The following DLC1 variants were observed in gnomAD, a reference collection of about 807,000 sequenced individuals.
The protein encoded by DLC1 is rho GTPase-activating protein 7.
In DLC1, 54 loss-of-function variants were observed where a neutral mutation model predicts 140.3. The observed-to-expected ratio is 0.38, with a 90% confidence interval of 0.31 to 0.48. The LOEUF (loss-of-function observed/expected upper bound fraction) is 0.48, where lower values mean the gene tolerates loss of function less well. DLC1 is among the 20% of genes least tolerant of loss of function. DLC1 has a pLI of 0.96. For synonymous variants in DLC1, 986 were observed against 728.1 expected (o/e 1.35, Z -5.70); for missense variants, 2,536 against 1,907.0 (o/e 1.33, Z -6.14).
At chr8:13,217,911 G>C (rs921466291) in intron 5 of DLC1, among the ~76,000 whole-genome samples, 1 of 151,500 alleles carries the variant, frequency 6.6e-6, no homozygotes, top group Admixed American at 6.6e-5. Context: ...TGATTTTCTT[G>C]GGTCAAGGGC....
intron 5 of DLC1, among the ~76,000 whole-genome samples, chr8:13,200,083 C>A (rs1481310432): frequency 6.6e-6 from 1 of 152,084 alleles, no homozygotes; most frequent in East Asian, 1.9e-4. Context: ...CACACTGTTG[C>A]CTGGGCTTGA....
intron 2 of DLC1, among the ~76,000 whole-genome samples, chr8:13,473,495 G>C (rs942424694): frequency 6.6e-6 from 1 of 152,150 alleles, no homozygotes; most frequent in African/African-American, 2.4e-5. Flanking sequence ...AGAGCGGGGT[G>C]CTGCTGTATA....
At chr8:13,147,146 C>T (rs2128974812) in intron 5 of DLC1, among the ~76,000 whole-genome samples, 1 of 152,286 alleles carries the variant, frequency 6.6e-6, no homozygotes, top group East Asian at 1.9e-4. Flanking sequence ...CATTATAGAA[C>T]TGAATCTATC....
At chr8:13,330,150 A>G (rs1458580589) in intron 4 of DLC1, among the ~76,000 whole-genome samples, 1 of 152,074 alleles carries the variant, frequency 6.6e-6, no homozygotes, top group East Asian at 1.9e-4. Context: ...TTTTTTGTAG[A>G]GACAGAATCT....
chr8:13,123,786 C>A (rs1310133653), intron 5 of DLC1, among the ~76,000 whole-genome samples: 2 of 152,166 alleles, frequency 1.3e-5, no homozygotes, highest in Non-Finnish European at 2.9e-5. Flanking sequence ...ATCCCAAGCA[C>A]CTACAACAGC....
intron 4 of DLC1, among the ~76,000 whole-genome samples, chr8:13,336,979 A>C (rs1425375193): frequency 6.6e-6 from 1 of 152,216 alleles, no homozygotes; most frequent in Non-Finnish European, 1.5e-5. Flanking sequence ...TGAAATGAAA[A>C]ATATAAACCA....
At chr8:13,235,657 T>G (rs979022966) in intron 5 of DLC1, among the ~76,000 whole-genome samples, 3 of 152,044 alleles carry the variant, frequency 2.0e-5, no homozygotes, top group African/African-American at 7.2e-5. Context: ...ATAGAGCTTT[T>G]TTTTTAGGTG....
chr8:13,508,605 A>G (rs899623771), intron 1 of DLC1, among the ~76,000 whole-genome samples: 19 of 151,908 alleles, frequency 1.3e-4, no homozygotes, highest in Non-Finnish European at 5.9e-5. Flanking sequence ...TTTTTAGTAG[A>G]GACAGGGTTT....
chr8:13,224,886 G>C (rs1828719404), intron 5 of DLC1, among the ~76,000 whole-genome samples: 1 of 152,142 alleles, frequency 6.6e-6, no homozygotes, highest in Non-Finnish European at 1.5e-5. Flanking sequence ...ACCAAGGGCA[G>C]AACTAAAAAA....
chr8:13,362,838 T>A lies in DLC1; in HGVS notation c.1314+30715A>T, dbSNP rs150439324. The stretch of plus-strand genomic sequence containing the variant: ...ATTTCCTGTTTAGAATTCTCTTCTG[T>A]TTTGTTTTGTTTTTTTCCAACCACA... On this transcript the variant is annotated intron_variant, in intron 4 of 17. Coordinates refer to ENST00000276297, the MANE Select transcript of DLC1 (RefSeq NM_182643.3). 4.0e-3 allele frequency among the ~76,000 whole-genome samples: 611 copies of A among 152,234 alleles called. 5 individuals carry two copies. The highest frequency in any genetic ancestry group is 0.019 in the Admixed American group (297 of 15,280).
intron 5 of DLC1, among the ~76,000 whole-genome samples, chr8:13,289,688 A>C (rs1586077287): frequency 6.6e-6 from 1 of 152,206 alleles, no homozygotes; most frequent in South Asian, 2.1e-4. Context: ...CAAGATGTGA[A>C]TAAAATTTAG....
intron 5 of DLC1, among the ~76,000 whole-genome samples, chr8:13,120,356 A>AAAAAAAAATATATAT: frequency 2.5e-4 from 15 of 61,130 alleles, no homozygotes; most frequent in South Asian, 2.2e-3. Context: ...AAAAAAAAAA[A>AAAAAAAAATATATAT]ATATATATAT....
chr8:13,581,176 T>C lies in DLC1; in HGVS notation c.-126+23361A>G, dbSNP rs1348315205. Among the ~76,000 whole-genome samples, 3 of 152,248 alleles carry C rather than the reference T, an allele frequency of 2.0e-5. No individual in the cohort carries two copies. In the South Asian group the frequency reaches 6.2e-4, roughly 31 times the overall value. Reference sequence around the variant, plus strand: ...CTCATTCAGTCAGGGTCAAATTTTATGCCTCACTTTCAGTGTTAGCTCATA... The same window carrying C: ...CTCATTCAGTCAGGGTCAAATTTTACGCCTCACTTTCAGTGTTAGCTCATA... On this transcript the variant is annotated intron_variant, in intron 1 of 1. Coordinates refer to the DLC1 transcript ENST00000631382.
intron 2 of DLC1, among the ~76,000 whole-genome samples, chr8:13,462,420 C>T (rs1397057917): frequency 2.9e-5 from 4 of 136,124 alleles, no homozygotes; most frequent in Admixed American, 7.8e-5. Context: ...TTTTTTGAGA[C>T]GGAGTCTGGC....
intron 1 of DLC1, among the ~76,000 whole-genome samples, chr8:13,543,561 C>G (rs1224956515): frequency 6.6e-6 from 1 of 152,072 alleles, no homozygotes; most frequent in Admixed American, 6.6e-5. Flanking sequence ...AAGTGCCCAT[C>G]AACCACTGAG....
intron 2 of DLC1, among the ~76,000 whole-genome samples, chr8:13,471,226 ACGTACAGC>A (rs1800192311): frequency 6.6e-6 from 1 of 151,960 alleles, no homozygotes; most frequent in African/African-American, 2.4e-5. Context: ...TGGAGACCTA[ACGTACAGC>A]CGTGTGAAAA....
At chr8:13,603,420 A>G (rs1162748472) in intron 1 of DLC1, among the ~76,000 whole-genome samples, 1 of 151,800 alleles carries the variant, frequency 6.6e-6, no homozygotes, top group Non-Finnish European at 1.5e-5. Context: ...AGAATTTCCT[A>G]GCTGGTATGG....
chr8:13,538,509 T>C (rs1405450243), intron 1 of DLC1, among the ~76,000 whole-genome samples: 1 of 152,082 alleles, frequency 6.6e-6, no homozygotes, highest in Non-Finnish European at 1.5e-5. Flanking sequence ...GTGTCTCCTC[T>C]TGTTCTGTGT....
chr8:13,304,020 C>T (rs997938098), intron 5 of DLC1, among the ~76,000 whole-genome samples: 1 of 152,128 alleles, frequency 6.6e-6, no homozygotes, highest in Non-Finnish European at 1.5e-5. Flanking sequence ...TGTGAAAAAA[C>T]TTGCTGACAT....
Sources: gnomAD v4.1 joint callset for allele counts (sites outside exome capture counted in the v4.1 genomes callset) on GRCh38, gnomAD v4.1.1 for gene constraint, MANE v1.5 for transcripts, NCBI Gene and HGNC (gene_info 2026-07-23, HGNC 2026-07-21) for gene names.